The following RNF149 variants were observed in gnomAD, a reference collection of about 807,000 sequenced individuals.
RNF149 encodes ring finger protein 149, also known as E3 ubiquitin-protein ligase RNF149.
A neutral mutation model predicts 39.0 loss-of-function variants in RNF149; 21 were observed. That is an observed-to-expected ratio of 0.54 (90% CI 0.38 to 0.77). RNF149 has a LOEUF of 0.77. Ranked by LOEUF, RNF149 falls within the 30% of genes least tolerant of loss-of-function variation. The pLI, the probability that RNF149 is intolerant of heterozygous loss-of-function variation, is 0.00. For synonymous variants in RNF149, 209 were observed against 213.6 expected (o/e 0.98, Z 0.19); for missense variants, 493 against 534.9 (o/e 0.92, Z 0.77).
intron 1 of RNF149, 94 bp downstream of exon 1, chr2:101,308,035 C>G (rs997124140): frequency 4.7e-6 from 7 of 1,499,044 alleles, no homozygotes; most frequent in Non-Finnish European, 6.2e-6. Context: ...GTGCCAGGCC[C>G]GCTTCGCGGC....
At chr2:101,286,703 TTTC>T (rs1199383255) in intron 4 of RNF149, among the ~76,000 whole-genome samples, 1 of 152,230 alleles carries the variant, frequency 6.6e-6, no homozygotes, top group African/African-American at 2.4e-5. Flanking sequence ...GCAGACATAT[TTTC>T]TTCTTTTGCT....
At chr2:101,280,245 AAAAGAAGAAT>A (rs1682529226) in intron 6 of RNF149, among the ~76,000 whole-genome samples, 1 of 151,978 alleles carries the variant, frequency 6.6e-6, no homozygotes, top group Admixed American at 6.6e-5. Context: ...GAAATTTTTT[AAAAGAAGAAT>A]AAAGATGAAG....
intron 3 of RNF149, among the ~76,000 whole-genome samples, chr2:101,291,389 T>A (rs1294064198): frequency 6.6e-6 from 1 of 151,772 alleles, no homozygotes; most frequent in African/African-American, 2.4e-5. Flanking sequence ...GACCTCGTGA[T>A]CCACCCGCCT....
At chr2:101,275,120 T>TG (rs1265232009), downstream of RNF149, among the ~76,000 whole-genome samples, 18 of 126,254 alleles carry the variant, frequency 1.4e-4, 2 homozygotes, top group Admixed American at 8.1e-4. Context: ...TGTTTTTTTT[T>TG]TTTTTTTTTT....
chr2:101,291,090 T>C (rs1682990381), intron 3 of RNF149, among the ~76,000 whole-genome samples: 1 of 152,242 alleles, frequency 6.6e-6, no homozygotes, highest in Non-Finnish European at 1.5e-5. Context: ...TTTAAAAATA[T>C]ATTTAGCCAT....
chr2:101,295,040 A>C lies in RNF149; in HGVS notation c.602T>G (p.Val201Gly). 6.2e-7 allele frequency: 1 copy of C among 1,614,202 alleles called. No individual in the cohort carries two copies. Among genetic ancestry groups the C allele is most frequent in the Non-Finnish European group, 8.5e-7 (1 of 1,180,038 alleles). ...GATGAAGGCAATGGCCACAAACACCACAGACTGACCGCTGATGAACTCCTG... is the reference window on the plus strand; with the variant it reads ...GATGAAGGCAATGGCCACAAACACCCCAGACTGACCGCTGATGAACTCCTG... ...HVQEFISGQS[V>G]VFVAIAFITM... Residue 201 changes from valine (V) to glycine (G), a missense_variant, in exon 2 of 7, where the codon GTG becomes GGG. Coordinates refer to ENST00000295317, the MANE Select transcript of RNF149 (RefSeq NM_173647.4).
At position 101,308,701 on chromosome 2, in the gene RNF149, C is replaced by G; in HGVS notation, c.-113G>C. On this transcript the variant is annotated 5_prime_UTR_variant, in exon 1 of 7. Coordinates refer to ENST00000295317, the MANE Select transcript of RNF149 (RefSeq NM_173647.4). ...CCGCCCTGGAAGACTGAGGCGGGGT[C>G]GGGGCCGCTGCGCACGCGCACCTGG... 1 of 1,027,906 alleles carries G rather than the reference C, an allele frequency of 9.7e-7. No individual in the cohort carries two copies. The highest frequency in any genetic ancestry group is 1.3e-6 in the Non-Finnish European group (1 of 747,858). 63.7% of individuals were successfully genotyped at this position (1,027,906 alleles called of 1,614,324 possible).
chr2:101,282,298 G>A (rs1682624685), intron 5 of RNF149, among the ~76,000 whole-genome samples: 1 of 151,840 alleles, frequency 6.6e-6, no homozygotes, highest in Admixed American at 6.6e-5. Context: ...CTTGATACAA[G>A]CAATGCCACC....
At chr2:101,300,980 C>T (rs1683430237) in intron 1 of RNF149, among the ~76,000 whole-genome samples, 1 of 152,216 alleles carries the variant, frequency 6.6e-6, no homozygotes, top group Non-Finnish European at 1.5e-5. Context: ...AGTTATTGTG[C>T]ACCACCCTTC....
intron 3 of RNF149, among the ~76,000 whole-genome samples, chr2:101,292,066 C>T (rs905473131): frequency 6.6e-6 from 1 of 152,196 alleles, no homozygotes; most frequent in Non-Finnish European, 1.5e-5. Flanking sequence ...TCATCTAACA[C>T]GAAGCCTATT....
intron 1 of RNF149, among the ~76,000 whole-genome samples, chr2:101,306,475 G>A (rs1450909231): frequency 6.6e-6 from 1 of 152,174 alleles, no homozygotes. Flanking sequence ...TGAACGTAGT[G>A]CCTAGCCCAG....
chr2:101,290,052 T>G (rs1323252507), intron 3 of RNF149, among the ~76,000 whole-genome samples: 1 of 151,988 alleles, frequency 6.6e-6, no homozygotes, highest in Non-Finnish European at 1.5e-5. Flanking sequence ...TGGTGGTGTG[T>G]GCCTGTAGTC....
At chr2:101,275,542 C>T (rs1046757941), downstream of RNF149, among the ~76,000 whole-genome samples, 3 of 134,458 alleles carry the variant, frequency 2.2e-5, no homozygotes, top group African/African-American at 2.8e-5. Flanking sequence ...TCCGGGTTCA[C>T]GCCATTCTCC....
chr2:101,294,098 A>C lies in RNF149; in HGVS notation c.712-16T>G. ...TTCTATGGCTCTTGGGTAGGAAAAT[A>C]TTAATACAGTTATTGAAAAATTTAA... On this transcript the variant is annotated splice_polypyrimidine_tract_variant and intron_variant, in intron 2 of 6. Transcript: ENST00000295317. 1 of 1,384,978 alleles carries C rather than the reference A, an allele frequency of 7.2e-7. No homozygotes were observed. The highest frequency in any genetic ancestry group is 1.0e-6 in the Non-Finnish European group (1 of 979,560). The allele number at this position is 1,384,978 out of a possible 1,614,324, so 85.8% of individuals were successfully genotyped here.
At chr2:101,302,563 C>T (rs1479239697) in intron 1 of RNF149, among the ~76,000 whole-genome samples, 3 of 152,150 alleles carry the variant, frequency 2.0e-5, no homozygotes, top group African/African-American at 7.2e-5. Context: ...GTTAAGAACT[C>T]TTTTGCAATT....
Position 101,276,771 on chromosome 2 carries a change from TAAAAA to T in RNF149, c.*462_*466del, listed in dbSNP as rs368050637. On this transcript the variant is annotated 3_prime_UTR_variant, in exon 7 of 7. Transcript: ENST00000295317. ...TCTCAGTTTACAAGTTTCAAGTTCT[TAAAAA>T]AAAAACAACAAAAAAAACCTTTCCT... The T allele has an allele frequency of 1.2e-6, 1 of 818,288 alleles. No homozygotes were observed. Among genetic ancestry groups the T allele is most frequent in the African/African-American group, 1.9e-5 (1 of 53,156 alleles). The allele number at this position is 818,288 out of a possible 1,614,324, so 50.7% of individuals were successfully genotyped here. A position where few individuals can be genotyped will look rare whatever the true frequency, so the allele number is the denominator to read the frequency against.
intron 6 of RNF149, 36 bp from the exon 7 acceptor site, chr2:101,277,317 A>T (rs560805966): frequency 5.0e-6 from 8 of 1,587,772 alleles, no homozygotes; most frequent in Non-Finnish European, 6.8e-6. Flanking sequence ...CCATCAGAAG[A>T]GGGCAGCATA....
intron 4 of RNF149, 158 bp downstream of exon 4, chr2:101,288,815 G>T (rs1573235089): frequency 3.5e-6 from 2 of 574,114 alleles, no homozygotes; most frequent in East Asian, 6.1e-5. Flanking sequence ...AAAGGGCAGG[G>T]AAGATATTAT....
chr2:101,277,389 G>A, intron 6 of RNF149, 108 bp from the exon 7 acceptor site: 1 of 1,412,874 alleles, frequency 7.1e-7, no homozygotes, highest in African/African-American at 1.5e-5. Flanking sequence ...ATGGTAAACA[G>A]AAAAAAAAAT....
Sources: gnomAD v4.1 joint callset for allele counts (sites outside exome capture counted in the v4.1 genomes callset) on GRCh38, gnomAD v4.1.1 for gene constraint, MANE v1.5 for transcripts, NCBI Gene and HGNC (gene_info 2026-07-23, HGNC 2026-07-21) for gene names.